Variants in RNF111 observed in about 807,000 individuals in gnomAD.
RNF111 encodes the protein E3 ubiquitin-protein ligase Arkadia.
Under a neutral mutation model 95.1 loss-of-function variants are expected in RNF111, and 17 were observed. That is an observed-to-expected ratio of 0.18 (90% CI 0.12 to 0.27). The LOEUF (loss-of-function observed/expected upper bound fraction) is 0.27, where lower values mean the gene tolerates loss of function less well. Ranked by LOEUF, RNF111 falls within the 10% of genes least tolerant of loss-of-function variation. The pLI, the probability that RNF111 is intolerant of heterozygous loss-of-function variation, is 1.00. For missense variants in RNF111, 1,189 were observed against 1,210.4 expected (o/e 0.98, Z 0.26); for synonymous variants, 440 against 414.8 (o/e 1.06, Z -0.74).
chr15:58,994,285 C>T (rs556475141), intron 1 of RNF111, among the ~76,000 whole-genome samples: 21 of 150,712 alleles, frequency 1.4e-4, no homozygotes, highest in African/African-American at 2.7e-4. Flanking sequence ...GTAATCCTCC[C>T]GCCTTGGCCT....
At chr15:59,002,776 T>A (rs1436240974) in intron 1 of RNF111, among the ~76,000 whole-genome samples, 2 of 152,172 alleles carry the variant, frequency 1.3e-5, no homozygotes, top group Non-Finnish European at 2.9e-5. Flanking sequence ...CCATTTCCCT[T>A]TCCTTCCACT....
At chr15:59,014,646 G>C (rs1480556008) in intron 1 of RNF111, among the ~76,000 whole-genome samples, 1 of 152,106 alleles carries the variant, frequency 6.6e-6, no homozygotes, top group Non-Finnish European at 1.5e-5. Flanking sequence ...GTTTTATTCT[G>C]AGTCTAAGAA....
At chr15:59,092,425 G>T in intron 12 of RNF111, 112 bp from the exon 13 acceptor site, 1 of 1,133,566 alleles carries the variant, frequency 8.8e-7, no homozygotes, top group South Asian at 2.3e-5. Context: ...AAAAAAGTGC[G>T]GGTGAATATG....
At position 59,081,134 on chromosome 15, in the gene RNF111, C is replaced by T. The variant is rs2078729785; in HGVS notation, c.2147C>T (p.Thr716Ile). Residue 716 changes from threonine (T) to isoleucine (I), a missense_variant, in exon 8 of 14, where the codon ACA becomes ATA. Thr to Ile is a moderately conservative substitution (Grantham distance 89). This residue lies in a region of RNF111 where 1,024 missense variants were observed against 925.9 expected (regional missense o/e 1.11). Coordinates refer to ENST00000348370, the MANE Select transcript of RNF111 (RefSeq NM_017610.8). ...APPPPTHLASTAAPIPQHLPP... is the reference protein window; with the variant it reads ...APPPPTHLASIAAPIPQHLPP... The stretch of plus-strand genomic sequence containing the variant: ...CCACCACCAACTCACTTAGCCAGTA[C>T]AGCTGCACCAATCCCTCAGCATCTT... 6.8e-6 allele frequency: 11 copies of T among 1,614,036 alleles called. No individual in the cohort carries two copies. Among genetic ancestry groups the T allele is most frequent in the African/African-American group, 6.7e-5 (5 of 74,914 alleles).
chr15:59,029,840 C>G (rs765139820), intron 1 of RNF111, among the ~76,000 whole-genome samples: 1 of 152,084 alleles, frequency 6.6e-6, no homozygotes, highest in Non-Finnish European at 1.5e-5. Context: ...AGTGTTCATT[C>G]ATCTATAAAC....
chr15:58,989,743 A>G (rs1178219862), intron 1 of RNF111, among the ~76,000 whole-genome samples: 1 of 152,232 alleles, frequency 6.6e-6, no homozygotes, highest in Non-Finnish European at 1.5e-5. Context: ...GATGTTTAAG[A>G]GAAAAGCACC....
chr15:59,058,300 A>G, intron 4 of RNF111, 56 bp from the exon 5 acceptor site: 4 of 1,369,282 alleles, frequency 2.9e-6, no homozygotes, highest in Non-Finnish European at 4.2e-6. Flanking sequence ...ACATTAAAAT[A>G]TAACCCTTTA....
chr15:59,084,757 C>G (rs760931058), intron 9 of RNF111, among the ~76,000 whole-genome samples: 11 of 152,064 alleles, frequency 7.2e-5, no homozygotes, highest in Non-Finnish European at 1.3e-4. Context: ...AGCATCTCCC[C>G]TTTCCTCATT....
In RNF111 at chr15:59,091,133, A is replaced by G. The variant is rs748443145; in HGVS notation, c.2718A>G (p.Thr906=). Residue 906 remains threonine, a synonymous_variant, in exon 12 of 14, where the codon ACA becomes ACG. Transcript: ENST00000348370. ...CCCAGGGGACAATTGAAAGATGTACATATCCACATAAATACAAAAAGGTAA... is the reference window on the plus strand; with the variant it reads ...CCCAGGGGACAATTGAAAGATGTACGTATCCACATAAATACAAAAAGGTAA... ...GASQGTIERC[T]YPHKYKKRKL... 1.0e-5 allele frequency: 16 copies of G among 1,600,136 alleles called. No individual in the cohort carries two copies. The highest frequency in any genetic ancestry group is 2.7e-5 in the African/African-American group (2 of 74,630).
At chr15:59,027,803 G>T (rs1303996812) in intron 1 of RNF111, among the ~76,000 whole-genome samples, 1 of 150,748 alleles carries the variant, frequency 6.6e-6, no homozygotes, top group Non-Finnish European at 1.5e-5. Flanking sequence ...AAAGTGGTGG[G>T]ATTACAGGCG....
chr15:59,095,793 G>A lies in RNF111; in HGVS notation c.*893G>A, dbSNP rs745800. ...GAATTTGTTGTCTTCTGCTAAGCACGAAAAGTTAAGATATCTGCTTACATT... is the reference window on the plus strand; with the variant it reads ...GAATTTGTTGTCTTCTGCTAAGCACAAAAAGTTAAGATATCTGCTTACATT... On this transcript the variant is annotated 3_prime_UTR_variant, in exon 14 of 14. Coordinates refer to ENST00000348370, the MANE Select transcript of RNF111 (RefSeq NM_017610.8). 31 of 385,596 alleles carry A rather than the reference G, an allele frequency of 8.0e-5. 1 individual carries two copies. The highest frequency in any genetic ancestry group is 2.9e-4 in the South Asian group (2 of 6,914). 23.9% of individuals were successfully genotyped at this position (385,596 alleles called of 1,614,324 possible).
rs191647623 is a variant in RNF111 at position 59,043,427 on chromosome 15, G to C, written c.881-8878G>C. On this transcript the variant is annotated intron_variant, in intron 2 of 13. Coordinates refer to ENST00000348370, the MANE Select transcript of RNF111 (RefSeq NM_017610.8). ...CTGCCTTGGCCTTGCAAAGTGCTGG[G>C]CTTGCAGGTGTGAGCCACTGCAACT... Among the ~76,000 whole-genome samples, 8 of 152,266 alleles carry C rather than the reference G, an allele frequency of 5.3e-5. No homozygotes were observed. The East Asian group carries it at 1.5e-3, about 29-fold the overall frequency.
intron 1 of RNF111, among the ~76,000 whole-genome samples, chr15:59,017,939 G>T (rs1287635186): frequency 6.6e-6 from 1 of 151,318 alleles, no homozygotes; most frequent in Non-Finnish European, 1.5e-5. Flanking sequence ...TTGTATTTTT[G>T]GTAGAGACGG....
rs771591912 is a variant in RNF111, at chr15:59,031,415, A to G, written c.593A>G (p.Lys198Arg). The G allele has an allele frequency of 2.5e-6, 4 of 1,614,226 alleles. No individual in the cohort carries two copies. In the South Asian group the frequency reaches 4.4e-5, roughly 18 times the overall value. ...GAATCTGTATCGGGATTGTTAATGAAAAGACCCTGTTTACATGGCAGTTCG... is the reference window on the plus strand; with the variant it reads ...GAATCTGTATCGGGATTGTTAATGAGAAGACCCTGTTTACATGGCAGTTCG... ...ETESVSGLLM[K>R]RPCLHGSSLR... The change falls in exon 2 of 14, where the codon AAA becomes AGA. Residue 198 changes from lysine (K) to arginine (R), a missense_variant. By Grantham distance (26) the Lys-to-Arg change is conservative. Transcript: ENST00000348370.
chr15:59,069,239 C>G (rs1434415885), intron 6 of RNF111, among the ~76,000 whole-genome samples: 1 of 152,142 alleles, frequency 6.6e-6, no homozygotes, highest in Non-Finnish European at 1.5e-5. Context: ...CCTGTCCTAT[C>G]TCTTGGGAAC....
At position 59,096,401 on chromosome 15, in the gene RNF111, T is replaced by C. The variant is rs2079177457; in HGVS notation, c.*1501T>C. 1 of 244,468 alleles carries C rather than the reference T, an allele frequency of 4.1e-6. No individual in the cohort carries two copies. Among genetic ancestry groups the C allele is most frequent in the Non-Finnish European group, 7.7e-6 (1 of 129,352 alleles). The allele number at this position is 244,468 out of a possible 1,614,324, so 15.1% of individuals were successfully genotyped here. Reference sequence around the variant, plus strand: ...TAAGCCACCTGCTTTGTAAGTGGATTGATTAATAAATAACTTATATTTCTA... The same window carrying C: ...TAAGCCACCTGCTTTGTAAGTGGATCGATTAATAAATAACTTATATTTCTA... On this transcript the variant is annotated 3_prime_UTR_variant, in exon 14 of 14. Coordinates refer to ENST00000348370, the MANE Select transcript of RNF111 (RefSeq NM_017610.8).
intron 6 of RNF111, among the ~76,000 whole-genome samples, chr15:59,070,996 A>G (rs186247889): frequency 7.6e-4 from 115 of 152,270 alleles, no homozygotes; most frequent in African/African-American, 2.4e-3. Context: ...GTAGGTTTGT[A>G]TTCAAGAATA....
At chr15:59,080,457 G>A (rs2078707696) in intron 7 of RNF111, among the ~76,000 whole-genome samples, 1 of 152,024 alleles carries the variant, frequency 6.6e-6, no homozygotes, top group Non-Finnish European at 1.5e-5. Context: ...ATTAATTATG[G>A]CAACCTTTTG....
At chr15:58,992,687 G>T (rs190098932) in intron 1 of RNF111, among the ~76,000 whole-genome samples, 10 of 152,134 alleles carry the variant, frequency 6.6e-5, no homozygotes, top group African/African-American at 1.7e-4. Flanking sequence ...AGGCATAATG[G>T]CACATGCCTG....
Sources: gnomAD v4.1 joint callset for allele counts (sites outside exome capture counted in the v4.1 genomes callset) on GRCh38, gnomAD v4.1.1 for gene constraint, gnomAD v4.1.1 regional missense constraint, MANE v1.5 for transcripts, NCBI Gene and HGNC (gene_info 2026-07-23, HGNC 2026-07-21) for gene names.